The following RNASEH2B variants were observed in gnomAD, a reference collection of about 807,000 sequenced individuals.
RNASEH2B encodes Aicardi-Goutieres syndrome 2 protein.
In RNASEH2B, 36 loss-of-function variants were observed where a neutral mutation model predicts 45.0. The observed-to-expected ratio is 0.80, with a 90% CI of 0.61 to 1.06. RNASEH2B has a LOEUF of 1.06. Among genes scored for constraint, RNASEH2B ranks in the 50% least tolerant of loss-of-function variants. The probability of loss-of-function intolerance (pLI) is 0.00; values close to 1 mark genes in which losing one functional copy is unlikely to be tolerated. For missense variants in RNASEH2B, 361 were observed against 360.3 expected, an observed-to-expected ratio of 1.00 and a Z score of -0.02; for synonymous variants, 119 against 125.7, an observed-to-expected ratio of 0.95 and a Z score of 0.35.
intron 10 of RNASEH2B, chr13:50,955,355 C>T (rs1475625197): frequency 1.3e-5 from 2 of 152,168 alleles, no homozygotes; most frequent in Non-Finnish European, 2.9e-5. Context: ...CGAGTTATCT[C>T]GATGCTGTGT....
chr13:50,915,732 G>A (rs1248312658), intron 1 of RNASEH2B, among the ~76,000 whole-genome samples: 1 of 152,186 alleles, frequency 6.6e-6, no homozygotes, highest in Non-Finnish European at 1.5e-5. Context: ...TGACTTCCTT[G>A]TCTAAGGATG....
intron 1 of RNASEH2B, among the ~76,000 whole-genome samples, chr13:50,918,207 G>A (rs940691902): frequency 2.0e-5 from 3 of 151,850 alleles, no homozygotes; most frequent in Admixed American, 2.0e-4. Context: ...GCACGATCTC[G>A]GCTCACTGCA....
At chr13:50,945,599 C>A in intron 7 of RNASEH2B, 67 bp downstream of exon 7, 1 of 1,026,240 alleles carries the variant, frequency 9.7e-7, no homozygotes, top group Non-Finnish European at 1.5e-6. Flanking sequence ...AAATGCCTAT[C>A]TTAGGATTTA....
chr13:50,918,982 C>T (rs1055352268), intron 1 of RNASEH2B, among the ~76,000 whole-genome samples: 9 of 152,188 alleles, frequency 5.9e-5, no homozygotes, highest in Non-Finnish European at 1.2e-4. Context: ...GTAAATGGTG[C>T]TTTGATGTCT....
At chr13:50,957,868 C>T (rs926963096), downstream of RNASEH2B, among the ~76,000 whole-genome samples, 1 of 151,994 alleles carries the variant, frequency 6.6e-6, no homozygotes, top group African/African-American at 2.4e-5. Flanking sequence ...TGATGATGGG[C>T]GTTTTTTAAT....
intron 1 of RNASEH2B, chr13:50,915,561 C>A: frequency 2.5e-6 from 1 of 398,324 alleles, no homozygotes; most frequent in South Asian, 1.3e-4. Flanking sequence ...TATTGAACAC[C>A]TAATACATGC....
intron 5 of RNASEH2B, among the ~76,000 whole-genome samples, chr13:50,940,577 GC>G (rs1351146866): frequency 6.6e-6 from 1 of 152,124 alleles, no homozygotes; most frequent in Non-Finnish European, 1.5e-5. Flanking sequence ...GGGAGGCAAG[GC>G]CAGTGTGAGC....
In RNASEH2B at chr13:50,956,722, A is replaced by G. The variant is rs905750862; in HGVS notation, c.*248A>G. On this transcript the variant is annotated 3_prime_UTR_variant, in exon 11 of 11. Coordinates refer to ENST00000336617, the MANE Select transcript of RNASEH2B (RefSeq NM_024570.4). Reference sequence around the variant, plus strand: ...GTAATCACTTGAAGAGAATTAACATATAGCATCATGATTTTCTCAATAAAC... The same window carrying G: ...GTAATCACTTGAAGAGAATTAACATGTAGCATCATGATTTTCTCAATAAAC... The G allele has an allele frequency of 8.2e-7, 1 of 1,219,934 alleles. No homozygotes were observed. Among genetic ancestry groups the G allele is most frequent in the African/African-American group, 1.6e-5 (1 of 64,242 alleles). The allele number at this position is 1,219,934 out of a possible 1,614,324, so 75.6% of individuals were successfully genotyped here.
Position 50,953,976 on chromosome 13 carries a change from G to C in RNASEH2B, c.813G>C (p.Lys271Asn). The change falls in exon 10 of 11, where the codon AAG becomes AAC. Residue 271 changes from lysine (K) to asparagine (N), a missense_variant. Transcript: ENST00000336617. ...DYTKFNTKDL[K>N]TEKKNSKMTA... ...CTAAGTTTAATACTAAAGATTTGAA[G>C]ACTGAAAAGGTATGTGGGTTCAGGT... is the stretch of plus-strand genomic sequence containing the variant. The C allele has an allele frequency of 6.3e-7, 1 of 1,595,126 alleles. No homozygotes were observed. The highest frequency in any genetic ancestry group is 1.7e-4 in the Middle Eastern group (1 of 6,034).
chr13:50,912,190 C>G (rs1309207722), intron 1 of RNASEH2B: 1 of 152,232 alleles, frequency 6.6e-6, no homozygotes, highest in African/African-American at 2.4e-5. Context: ...TCCTGCAATT[C>G]TTCCTTCTGG....
chr13:50,914,475 A>G (rs1000458487), intron 1 of RNASEH2B, among the ~76,000 whole-genome samples: 2 of 152,246 alleles, frequency 1.3e-5, no homozygotes, highest in African/African-American at 4.8e-5. Context: ...CGAATAGTCT[A>G]CTGCAGGCAG....
At chr13:50,914,385 A>G (rs1879614691) in intron 1 of RNASEH2B, among the ~76,000 whole-genome samples, 1 of 152,228 alleles carries the variant, frequency 6.6e-6, no homozygotes, top group Admixed American at 6.5e-5. Context: ...CACATGATAG[A>G]GAACCTGGCC....
chr13:50,913,705 A>G (rs1418871637), intron 1 of RNASEH2B, among the ~76,000 whole-genome samples: 2 of 152,198 alleles, frequency 1.3e-5, no homozygotes, highest in East Asian at 3.8e-4. Flanking sequence ...TATTTTAGGA[A>G]AGATTGCACT....
chr13:50,926,780 C>A, intron 1 of RNASEH2B, among the ~76,000 whole-genome samples: 1 of 150,486 alleles, frequency 6.6e-6, no homozygotes. Context: ...TCATTATAAG[C>A]AGGATTAAAA....
At chr13:50,934,113 C>T (rs1951715341) in intron 4 of RNASEH2B, 1 of 152,300 alleles carries the variant, frequency 6.6e-6, no homozygotes, top group African/African-American at 2.4e-5. Flanking sequence ...CTGGTACAGT[C>T]TGGTGTCCCC....
At chr13:50,961,359 G>C (rs1220924340), downstream of RNASEH2B, among the ~76,000 whole-genome samples, 1 of 151,934 alleles carries the variant, frequency 6.6e-6, no homozygotes, top group Non-Finnish European at 1.5e-5. Context: ...CCTTTTCCTT[G>C]CTTCTTCCCT....
chr13:50,913,586 G>A (rs1331021954), intron 1 of RNASEH2B, among the ~76,000 whole-genome samples: 2 of 152,008 alleles, frequency 1.3e-5, no homozygotes, highest in Non-Finnish European at 2.9e-5. Flanking sequence ...TCAGCCCCCT[G>A]ATTAAACAGT....
rs546631410 is a variant in RNASEH2B, at chr13:50,963,996, G to A, written c.742-5936G>A. Among the ~76,000 whole-genome samples the A allele has an allele frequency of 1.3e-3, 196 of 152,282 alleles. 1 individual carries two copies. Among genetic ancestry groups the A allele is most frequent in the African/African-American group, 4.3e-3 (178 of 41,560 alleles). On this transcript the variant is annotated intron_variant, in intron 9 of 9. Transcript: ENST00000422660. ...GCAGATCACCTGAGGTCAGGAGTTTGAGATAAGCCTGACCAACATGGAGAA... is the reference window on the plus strand; with the variant it reads ...GCAGATCACCTGAGGTCAGGAGTTTAAGATAAGCCTGACCAACATGGAGAA...
At chr13:50,961,253 C>T (rs559436053), downstream of RNASEH2B, among the ~76,000 whole-genome samples, 2 of 152,028 alleles carry the variant, frequency 1.3e-5, no homozygotes, top group South Asian at 2.1e-4. Flanking sequence ...TATTTCTTAT[C>T]GGATGTTTGC....
Sources: gnomAD v4.1 joint callset for allele counts (sites outside exome capture counted in the v4.1 genomes callset) on GRCh38, gnomAD v4.1.1 for gene constraint, MANE v1.5 for transcripts, NCBI Gene and HGNC (gene_info 2026-07-23, HGNC 2026-07-21) for gene names.